NUP153: variants seen among roughly 807,000 people sequenced by gnomAD.
NUP153 encodes nuclear pore complex protein Nup153.
Under a neutral mutation model 134.6 loss-of-function variants are expected in NUP153, and 27 were observed. The observed-to-expected ratio is 0.20, with a 90% CI of 0.15 to 0.28. The LOEUF is 0.28. Among genes scored for constraint, NUP153 ranks in the 10% least tolerant of loss-of-function variants. The probability of loss-of-function intolerance (pLI) is 1.00; values close to 1 mark genes in which losing one functional copy is unlikely to be tolerated. For synonymous variants in NUP153, 640 were observed against 623.5 expected (o/e 1.03, Z -0.40); for missense variants, 1,821 against 1,731.3 (o/e 1.05, Z -0.92).
At chr6:17,641,410 C>T (rs1012688183) in intron 14 of NUP153, among the ~76,000 whole-genome samples, 1 of 152,060 alleles carries the variant, frequency 6.6e-6, no homozygotes, top group Non-Finnish European at 1.5e-5. Flanking sequence ...TGGTACACAC[C>T]TGTAGTCTCA....
At chr6:17,683,642 A>T (rs957182500) in intron 2 of NUP153, among the ~76,000 whole-genome samples, 10 of 152,190 alleles carry the variant, frequency 6.6e-5, no homozygotes, top group Admixed American at 3.3e-4. Context: ...TAGATTTAGC[A>T]TAATTCTTAG....
rs775137931 is a variant in NUP153, at chr6:17,628,877, G to C, written c.3322C>G (p.Gln1108Glu). The change falls in exon 18 of 22, where the codon CAA becomes GAA. Residue 1108 changes from glutamine (Q) to glutamate (E), a missense_variant. Transcript: ENST00000262077. This position sits in a 1 kb window ranked among gnomAD's most constrained non-coding sequence, Gnocchi z 5.4. ...FVLGRTEEKQ[Q>E]EPVTSTSLVF... ...AGGGAAGTAGAAGTGACAGGCTCTT[G>C]CTGTTTCTCTTCTGTCCTTCCCAAA... is the stretch of plus-strand genomic sequence containing the variant. The C allele has an allele frequency of 6.8e-6, 11 of 1,614,176 alleles. No homozygotes were observed. Among genetic ancestry groups the C allele is most frequent in the Non-Finnish European group, 9.3e-6 (11 of 1,180,020 alleles).
Position 17,619,670 on chromosome 6 carries a change from C to CA in NUP153, c.4175-2976dup, listed in dbSNP as rs111367229. 8.5e-5 allele frequency: 13 copies of CA among 152,240 alleles called. 1 individual carries two copies. Among genetic ancestry groups the CA allele is most frequent in the African/African-American group, 3.1e-4 (13 of 41,538 alleles). The allele number at this position is 152,240 out of a possible 1,614,324, so 9.4% of individuals were successfully genotyped here. A position where few individuals can be genotyped will look rare whatever the true frequency, so the allele number is the denominator to read the frequency against. ...CTGATGAAAGAAATTAAAGAGAACA[C>CA]AAACAAATGTAAAGACATCCTATAT... On this transcript the variant is annotated intron_variant, in intron 20 of 21. Coordinates refer to ENST00000262077, the MANE Select transcript of NUP153 (RefSeq NM_005124.4).
At chr6:17,655,600 C>T (rs762992173) in intron 11 of NUP153, among the ~76,000 whole-genome samples, 5 of 151,788 alleles carry the variant, frequency 3.3e-5, no homozygotes, top group Non-Finnish European at 5.9e-5. Context: ...ATTACATGTG[C>T]CCGCCATCAC....
chr6:17,676,969 C>A (rs1353671962), intron 2 of NUP153, among the ~76,000 whole-genome samples: 2 of 152,068 alleles, frequency 1.3e-5, no homozygotes, highest in South Asian at 4.2e-4. Context: ...GACAGTGTAC[C>A]GTGCTAGGGG....
At chr6:17,673,471 C>G (rs918519934) in intron 5 of NUP153, among the ~76,000 whole-genome samples, 1 of 152,130 alleles carries the variant, frequency 6.6e-6, no homozygotes, top group Non-Finnish European at 1.5e-5. Context: ...AATGAACTCT[C>G]TCAAAATTTA....
intron 14 of NUP153, among the ~76,000 whole-genome samples, chr6:17,645,041 C>T (rs1270219302): frequency 1.3e-5 from 2 of 151,330 alleles, no homozygotes; most frequent in African/African-American, 2.4e-5. Flanking sequence ...GCCAAGATTA[C>T]GCCACTGTAC....
chr6:17,691,524 G>A (rs1173616173), intron 1 of NUP153, among the ~76,000 whole-genome samples: 1 of 152,200 alleles, frequency 6.6e-6, no homozygotes, highest in Non-Finnish European at 1.5e-5. Context: ...CAGCACTTTG[G>A]GAGGCCGAGT....
At chr6:17,668,832 G>C (rs1767713996) in intron 8 of NUP153, 143 bp downstream of exon 8, 2 of 570,548 alleles carry the variant, frequency 3.5e-6, no homozygotes, top group African/African-American at 4.0e-5. Flanking sequence ...GACAGAGCGA[G>C]ACTGAGACTC....
chr6:17,640,997 G>GTAA (rs1353606077), intron 14 of NUP153, among the ~76,000 whole-genome samples: 1 of 152,122 alleles, frequency 6.6e-6, no homozygotes, highest in Non-Finnish European at 1.5e-5. Context: ...CATCTAAAGA[G>GTAA]TAATGGTAGC....
intron 1 of NUP153, among the ~76,000 whole-genome samples, chr6:17,695,351 A>G (rs1437257315): frequency 1.3e-5 from 2 of 152,206 alleles, no homozygotes; most frequent in Non-Finnish European, 2.9e-5. Flanking sequence ...TCTTCTGCAA[A>G]TTAATGTTTG....
At chr6:17,633,640 T>C (rs1417017161) in intron 16 of NUP153, among the ~76,000 whole-genome samples, 2 of 151,902 alleles carry the variant, frequency 1.3e-5, no homozygotes, top group Non-Finnish European at 2.9e-5. Context: ...TACACAGAGG[T>C]GACAAATCTT....
intron 17 of NUP153, among the ~76,000 whole-genome samples, chr6:17,631,944 C>G (rs113681670): frequency 6.6e-6 from 1 of 151,234 alleles, no homozygotes; most frequent in African/African-American, 2.4e-5. Context: ...CCGGCCTGGG[C>G]GACAGAGCAA....
chr6:17,627,148 C>G (rs1389326023), intron 18 of NUP153, among the ~76,000 whole-genome samples: 1 of 152,152 alleles, frequency 6.6e-6, no homozygotes, highest in East Asian at 1.9e-4. Flanking sequence ...GTATGACTTA[C>G]AGAAAATGGA....
Position 17,624,572 on chromosome 6 carries a change from G to A in NUP153, c.4163C>T (p.Thr1388Ile). The A allele has an allele frequency of 6.2e-7, 1 of 1,614,118 alleles. No individual in the cohort carries two copies. The highest frequency in any genetic ancestry group is 1.1e-5 in the South Asian group (1 of 91,080). The change falls in exon 20 of 22, where the codon ACT (threonine) becomes ATT (isoleucine). Residue 1388 changes from threonine to isoleucine, a missense_variant. Thr to Ile is a moderately conservative substitution (Grantham distance 89). Coordinates refer to ENST00000262077, the MANE Select transcript of NUP153 (RefSeq NM_005124.4). ...CACAGCACACTTACTAGAATTAGGA[G>A]TTGTTCCAGAGCCAAATGCAGACTG... ...PSQSAFGSGT[T>I]PNSSSAFQFG...
At chr6:17,666,997 A>G (rs746306181) in intron 8 of NUP153, among the ~76,000 whole-genome samples, 4 of 152,240 alleles carry the variant, frequency 2.6e-5, no homozygotes, top group South Asian at 2.1e-4. Context: ...AACATGGGCT[A>G]TGATACTGTA....
intron 2 of NUP153, among the ~76,000 whole-genome samples, chr6:17,683,698 TAC>T (rs1213101275): frequency 6.6e-6 from 1 of 151,880 alleles, no homozygotes; most frequent in African/African-American, 2.4e-5. Flanking sequence ...GGCTTCAACT[TAC>T]AGTCACCAGT....
intron 14 of NUP153, among the ~76,000 whole-genome samples, chr6:17,642,132 G>A (rs1366431778): frequency 1.3e-5 from 2 of 152,002 alleles, no homozygotes; most frequent in Non-Finnish European, 2.9e-5. Flanking sequence ...AAAACTCTTA[G>A]AAGAAAACCT....
chr6:17,674,248 G>T (rs1768081293), intron 5 of NUP153, among the ~76,000 whole-genome samples: 2 of 152,016 alleles, frequency 1.3e-5, no homozygotes, highest in African/African-American at 4.8e-5. Context: ...TTGTAGAAGT[G>T]GTTATATACA....
Sources: allele counts gnomAD v4.1 joint callset (sites outside exome capture counted in the v4.1 genomes callset), GRCh38; gene constraint gnomAD v4.1.1; non-coding constraint Gnocchi (gnomAD v3.1); transcripts MANE v1.5; gene names NCBI Gene and HGNC (gene_info 2026-07-23, HGNC 2026-07-21).